Variants in NOP2 observed in about 807,000 individuals in gnomAD.
NOP2 encodes 28S rRNA (cytosine(4447)-C(5))-methyltransferase.
NOP2 carries 7 observed loss-of-function variants against 72.7 expected under a neutral mutation model. The ratio of observed to expected loss-of-function variants is 0.10; its 90% CI spans 0.05 to 0.18. NOP2 has a LOEUF of 0.18. NOP2 is among the 10% of genes least tolerant of loss of function. The pLI is 1.00. For synonymous variants in NOP2, 387 were observed against 388.0 expected, an observed-to-expected ratio of 1.00 and a Z score of 0.03; for missense variants, 954 against 1,014.7, an observed-to-expected ratio of 0.94 and a Z score of 0.81.
intron 1 of NOP2, 48 bp from the exon 2 acceptor site, chr12:6,567,970 G>A (rs1947828561): frequency 5.0e-6 from 7 of 1,406,940 alleles, no homozygotes; most frequent in Non-Finnish European, 7.0e-6. Context: ...GTGTCGGAGG[G>A]AACGGCAGAA....
rs754601407 is a variant in NOP2, at chr12:6,567,959, CGT to C, written c.-4-39_-4-38del. 2.6e-6 allele frequency: 4 copies of C among 1,543,576 alleles called. No homozygotes were observed. The African/African-American group carries it at 4.1e-5, about 16-fold the overall frequency. On this transcript the variant is annotated intron_variant, in intron 1 of 15. Coordinates refer to ENST00000322166, the MANE Select transcript of NOP2 (RefSeq NM_001258308.2). ...AGAAATGGGAGAAGGTGGCGTCGCG[CGT>C]GTCGGAGGGAACGGCAGAACGCACG...
chr12:6,561,442 T>C (rs1363348257), intron 11 of NOP2, among the ~76,000 whole-genome samples: 1 of 152,204 alleles, frequency 6.6e-6, no homozygotes, highest in African/African-American at 2.4e-5. Flanking sequence ...CCAAGCACAA[T>C]TACCATCCCA....
intron 5 of NOP2, chr12:6,564,275 CA>C (rs560024120): frequency 9.4e-3 from 700 of 74,092 alleles, no homozygotes; most frequent in South Asian, 0.049. Context: ...GACTTCATCT[CA>C]AAAAAAAAAA....
At chr12:6,559,999 C>A in intron 15 of NOP2, 99 bp downstream of exon 15, 2 of 849,202 alleles carry the variant, frequency 2.4e-6, no homozygotes, top group South Asian at 3.2e-5. Flanking sequence ...GTAAGGGATG[C>A]ATGAATCTTT....
intron 2 of NOP2, 167 bp downstream of exon 2, chr12:6,567,649 A>C (rs1947816738): frequency 1.7e-6 from 1 of 582,014 alleles, no homozygotes; most frequent in South Asian, 2.2e-5. Flanking sequence ...TCTACGACCT[A>C]AACAGTTCCC....
intron 5 of NOP2, 113 bp from the exon 6 acceptor site, chr12:6,564,059 G>A: frequency 6.5e-7 from 1 of 1,536,104 alleles, no homozygotes; most frequent in Non-Finnish European, 8.7e-7. Flanking sequence ...CTTGCTCTCA[G>A]AAGGAAATAG....
intron 15 of NOP2, among the ~76,000 whole-genome samples, chr12:6,559,781 G>GT (rs1947596294): frequency 6.6e-6 from 1 of 152,214 alleles, no homozygotes. Context: ...TCCAGTACCA[G>GT]TAAGTCCACC....
chr12:6,566,964 C>T (rs957623223), intron 2 of NOP2, 142 bp from the exon 3 acceptor site: 1 of 706,036 alleles, frequency 1.4e-6, no homozygotes, highest in Non-Finnish European at 2.3e-6. Flanking sequence ...TATTTAATAA[C>T]TGTATACAAG....
In NOP2 at chr12:6,560,116, T is replaced by A; in HGVS notation, c.1771A>T (p.Ile591Phe). ...TACTTACCTGTCTGGGACTGAGGGA[T>A]AGAATTGGAAAATTTCTTGAACTTG... ...IAKFKKFSNS[I>F]PQSQTGNSET... is the part of the protein sequence containing the mutation. Residue 591 changes from isoleucine (I) to phenylalanine (F), a missense_variant, in exon 15 of 16, where the codon ATC becomes TTC. Physicochemically the swap from Ile to Phe is conservative, Grantham distance 21 (BLOSUM62 0). This residue lies in a region of NOP2 where 269 missense variants were observed against 260.2 expected (regional missense o/e 1.03). Coordinates refer to ENST00000322166, the MANE Select transcript of NOP2 (RefSeq NM_001258308.2). This position sits in a 1 kb window ranked among gnomAD's most constrained non-coding sequence, Gnocchi z 5.0. 4.3e-6 allele frequency: 7 copies of A among 1,613,698 alleles called. No homozygotes were observed. Among genetic ancestry groups the A allele is most frequent in the Non-Finnish European group, 5.9e-6 (7 of 1,179,580 alleles).
At chr12:6,567,213 G>A (rs1299918010) in intron 2 of NOP2, among the ~76,000 whole-genome samples, 1 of 152,148 alleles carries the variant, frequency 6.6e-6, no homozygotes, top group Non-Finnish European at 1.5e-5. Flanking sequence ...GCCTCCCAAA[G>A]TGTTTCCTTA....
intron 5 of NOP2, 133 bp from the exon 6 acceptor site, chr12:6,564,079 G>T (rs1219879452): frequency 6.5e-7 from 1 of 1,529,974 alleles, no homozygotes; most frequent in African/African-American, 1.4e-5. Context: ...GAGGAGCAAA[G>T]AAATGAAAAT....
intron 4 of NOP2, 72 bp downstream of exon 4, chr12:6,566,457 T>C: frequency 6.5e-7 from 1 of 1,531,972 alleles, no homozygotes; most frequent in African/African-American, 1.4e-5. Context: ...TCCGGAAATG[T>C]TTAGCGAGTT....
At chr12:6,558,097 C>A in intron 15 of NOP2, 1 of 353,988 alleles carries the variant, frequency 2.8e-6, no homozygotes, top group Non-Finnish European at 5.2e-6. Context: ...GCTGAGATTG[C>A]ACCACTGCAG....
At chr12:6,558,275 TTTTTTTTC>T (rs1250185081) in intron 15 of NOP2, 2 of 269,332 alleles carry the variant, frequency 7.4e-6, no homozygotes, top group Non-Finnish European at 1.5e-5. Flanking sequence ...TTTTGGGGTT[TTTTTTTTC>T]TTTTTTTGAG....
rs984822671 is a variant in NOP2 at position 6,568,091 on chromosome 12, CT to C, written c.-5+115del. 4.1e-5 allele frequency: 25 copies of C among 603,406 alleles called. No homozygotes were observed. The African/African-American group carries it at 4.3e-4, about 10-fold the overall frequency. The allele number at this position is 603,406 out of a possible 1,614,324, so 37.4% of individuals were successfully genotyped here. A position where few individuals can be genotyped will look rare whatever the true frequency, so the allele number is the denominator to read the frequency against. Reference sequence around the variant, plus strand: ...CGACTCAAGCACCCCCGCTATCCCCCTGGAGGCCCGACCGAACGCCCTCCCA... The same window carrying C: ...CGACTCAAGCACCCCCGCTATCCCCCGGAGGCCCGACCGAACGCCCTCCCA... On this transcript the variant is annotated intron_variant, in intron 1 of 15. Transcript: ENST00000322166.
intron 11 of NOP2, 27 bp from the exon 12 acceptor site, chr12:6,561,097 A>T (rs1251578853): frequency 6.2e-7 from 1 of 1,611,690 alleles, no homozygotes; most frequent in Non-Finnish European, 8.5e-7. Context: ...AACAGTGCTG[A>T]TCAGCCAGTT....
In NOP2 at chr12:6,557,524, C is replaced by A; in HGVS notation, c.1908G>T (p.Leu636=). The A allele has an allele frequency of 1.9e-6, 3 of 1,613,986 alleles. No homozygotes were observed. The highest frequency in any genetic ancestry group is 2.5e-6 in the Non-Finnish European group (3 of 1,179,894). The change falls in exon 16 of 16, where the codon CTG becomes CTT. Residue 636 remains leucine, a synonymous_variant. Coordinates refer to ENST00000322166, the MANE Select transcript of NOP2 (RefSeq NM_001258308.2). Reference sequence around the variant, plus strand: ...CCTTCTTGGGATGTTGCTGTTTCTGCAGCTGCTGCTTTGTCTTTGCAGCCC... The same window carrying A: ...CCTTCTTGGGATGTTGCTGTTTCTGAAGCTGCTGCTTTGTCTTTGCAGCCC... The part of the protein sequence containing the change: ...AKGAAKTKQQ[L]QKQQHPKKAS...
intron 3 of NOP2, 57 bp downstream of exon 3, chr12:6,566,720 T>C (rs1320657297): frequency 1.3e-6 from 2 of 1,589,824 alleles, no homozygotes; most frequent in African/African-American, 1.3e-5. Flanking sequence ...ATTAACTCTG[T>C]GGTCAAAGAT....
chr12:6,565,361 G>A (rs938699503), intron 5 of NOP2, among the ~76,000 whole-genome samples: 1 of 149,662 alleles, frequency 6.7e-6, no homozygotes, highest in Non-Finnish European at 1.5e-5. Context: ...TTTTTTTTGA[G>A]ACAGAGTCTC....
Sources: gnomAD v4.1 joint callset for allele counts (sites outside exome capture counted in the v4.1 genomes callset) on GRCh38, gnomAD v4.1.1 for gene constraint, gnomAD v4.1.1 regional missense constraint, Gnocchi (gnomAD v3.1) non-coding constraint, MANE v1.5 for transcripts, NCBI Gene and HGNC (gene_info 2026-07-23, HGNC 2026-07-21) for gene names.